GMPR: variants seen among roughly 807,000 people sequenced by gnomAD.
GMPR encodes the protein GMP reductase 1.
In GMPR, 31 loss-of-function variants were observed where a neutral mutation model predicts 38.4. The observed-to-expected ratio is 0.81, with a 90% CI of 0.61 to 1.09. GMPR has a LOEUF of 1.09. Among genes scored for constraint, GMPR ranks in the 50% least tolerant of loss-of-function variants. The probability of loss-of-function intolerance (pLI) is 0.00; values close to 1 mark genes in which losing one functional copy is unlikely to be tolerated. For missense variants in GMPR, 468 were observed against 453.7 expected (o/e 1.03, Z -0.29); for synonymous variants, 162 against 173.3 (o/e 0.93, Z 0.51).
At chr6:16,249,736 G>A (rs1758831754) in intron 2 of GMPR, among the ~76,000 whole-genome samples, 1 of 152,266 alleles carries the variant, frequency 6.6e-6, no homozygotes, top group South Asian at 2.1e-4. Context: ...TGCTGGGGCA[G>A]TAGTCATAGG....
intron 2 of GMPR, among the ~76,000 whole-genome samples, chr6:16,249,900 C>A (rs967599494): frequency 1.3e-5 from 2 of 152,152 alleles, no homozygotes; most frequent in African/African-American, 4.8e-5. Flanking sequence ...TTAGGATGGT[C>A]CTTCTGGGCA....
chr6:16,269,172 G>C (rs531177547), intron 4 of GMPR, among the ~76,000 whole-genome samples: 1 of 152,164 alleles, frequency 6.6e-6, no homozygotes, highest in Non-Finnish European at 1.5e-5. Context: ...ACCACCAAGA[G>C]CTGGGCCCTG....
chr6:16,263,379 G>C (rs13207339), intron 4 of GMPR: 1 of 151,940 alleles, frequency 6.6e-6, no homozygotes, highest in African/African-American at 2.4e-5. Flanking sequence ...AAGATGCTTA[G>C]ATTTTAGGTC....
At position 16,289,848 on chromosome 6, in the gene GMPR, A is replaced by ATTTTTTTTTTTTTTTT. The variant is rs546450494; in HGVS notation, c.698-592_698-577dup. On this transcript the variant is annotated intron_variant, in intron 7 of 8. Coordinates refer to ENST00000259727, the MANE Select transcript of GMPR (RefSeq NM_006877.4). ...AACTTGCTTTCTAAGATACTGCCCA[A>ATTTTTTTTTTTTTTTT]TTTTTTTTTTTTTTTTTTTTTTTTT... The ATTTTTTTTTTTTTTTT allele has an allele frequency of 7.1e-4, 45 of 63,184 alleles. 4 individuals are homozygous for ATTTTTTTTTTTTTTTT. The highest frequency in any genetic ancestry group is 1.6e-3 in the African/African-American group (22 of 14,176). 3.9% of individuals were successfully genotyped at this position (63,184 alleles called of 1,614,324 possible).
intron 3 of GMPR, among the ~76,000 whole-genome samples, chr6:16,251,602 GC>G (rs1264736404): frequency 6.6e-6 from 1 of 152,172 alleles, no homozygotes. Flanking sequence ...AAAGGCCAGA[GC>G]ATCTATGATC....
chr6:16,250,935 C>T (rs955390137), intron 3 of GMPR, among the ~76,000 whole-genome samples: 1 of 151,836 alleles, frequency 6.6e-6, no homozygotes, highest in Non-Finnish European at 1.5e-5. Flanking sequence ...AACCCTTATT[C>T]ACTGCTGGGA....
chr6:16,276,464 C>A (rs577202217), intron 5 of GMPR, among the ~76,000 whole-genome samples: 8 of 152,302 alleles, frequency 5.3e-5, no homozygotes, highest in African/African-American at 1.9e-4. Flanking sequence ...AGCCACCACA[C>A]CCGGCCCTCT....
Position 16,254,578 on chromosome 6 carries a change from C to T in GMPR, c.308C>T (p.Ser103Leu). ...PECLQNVAVSSGSGQNDLEKM... is the reference protein window; with the variant it reads ...PECLQNVAVSLGSGQNDLEKM... The stretch of plus-strand genomic sequence containing the variant: ...TTGGTGCAGAATGTAGCCGTGAGTT[C>T]AGGCAGTGGGCAGAATGATCTGGAA... Residue 103 changes from serine (S) to leucine (L), a missense_variant, in exon 4 of 9, where the codon TCA (serine) becomes TTA (leucine). Physicochemically the swap from Ser to Leu is moderately radical, Grantham distance 145 (BLOSUM62 -2). Transcript: ENST00000259727. 1 of 1,613,956 alleles carries T rather than the reference C, an allele frequency of 6.2e-7. No individual in the cohort carries two copies. Among genetic ancestry groups the T allele is most frequent in the Non-Finnish European group, 8.5e-7 (1 of 1,179,850 alleles).
At position 16,288,938 on chromosome 6, in the gene GMPR, A is replaced by G. The variant is rs189656917; in HGVS notation, c.698-1524A>G. Among the ~76,000 whole-genome samples the G allele has an allele frequency of 2.8e-3, 433 of 152,294 alleles. 1 individual carries two copies. Among genetic ancestry groups the G allele is most frequent in the African/African-American group, 9.7e-3 (401 of 41,552 alleles). On this transcript the variant is annotated intron_variant, in intron 7 of 8. Coordinates refer to ENST00000259727, the MANE Select transcript of GMPR (RefSeq NM_006877.4). ...TAGCTCAGGGATTGTAAACACACCA[A>G]TCAGCGCCCTGACAAAACAGACCAC...
At chr6:16,267,214 AAG>A (rs1491458724) in intron 4 of GMPR, among the ~76,000 whole-genome samples, 11 of 152,036 alleles carry the variant, frequency 7.2e-5, no homozygotes, top group African/African-American at 1.7e-4. Flanking sequence ...GTACAAAAAA[AAG>A]AAAAAATTAG....
chr6:16,266,724 T>A (rs1006307572), intron 4 of GMPR, among the ~76,000 whole-genome samples: 1 of 150,796 alleles, frequency 6.6e-6, no homozygotes, highest in Non-Finnish European at 1.5e-5. Flanking sequence ...GGCAGGAGAA[T>A]TGCATGAACC....
intron 3 of GMPR, among the ~76,000 whole-genome samples, chr6:16,252,585 G>T (rs775073991): frequency 6.6e-6 from 1 of 152,142 alleles, no homozygotes; most frequent in Non-Finnish European, 1.5e-5. Flanking sequence ...TTGTTAACTG[G>T]AACTGTGGCT....
At chr6:16,243,468 A>G (rs1758691554) in intron 1 of GMPR, among the ~76,000 whole-genome samples, 1 of 152,180 alleles carries the variant, frequency 6.6e-6, no homozygotes, top group Non-Finnish European at 1.5e-5. Context: ...AAACACTGCA[A>G]AAGGCTGGGG....
At chr6:16,288,311 TC>T (rs1484729098) in intron 7 of GMPR, among the ~76,000 whole-genome samples, 1 of 152,196 alleles carries the variant, frequency 6.6e-6, no homozygotes, top group Non-Finnish European at 1.5e-5. Flanking sequence ...CAGCTGGAGT[TC>T]CGGGTGGGTG....
At chr6:16,275,169 T>C (rs1450881663) in intron 5 of GMPR, among the ~76,000 whole-genome samples, 1 of 152,208 alleles carries the variant, frequency 6.6e-6, no homozygotes, top group African/African-American at 2.4e-5. Context: ...TGAGCTGCCA[T>C]GTTTTAAATT....
In GMPR at chr6:16,295,092, C is replaced by T. The variant is rs766789172; in HGVS notation, c.944C>T (p.Thr315Met). ...ILDILGGLRSTCTYVGAAKLK... is the reference protein window; with the variant it reads ...ILDILGGLRSMCTYVGAAKLK... ...GATATTCTCGGGGGACTGAGGTCCA[C>T]GTGCACCTACGTGGGGGCCGCCAAA... The change falls in exon 9 of 9, where the codon ACG (threonine) becomes ATG (methionine). Residue 315 changes from threonine (T) to methionine (M), a missense_variant. Coordinates refer to ENST00000259727, the MANE Select transcript of GMPR (RefSeq NM_006877.4). 19 of 1,587,710 alleles carry T rather than the reference C, an allele frequency of 1.2e-5. No individual in the cohort carries two copies. Among genetic ancestry groups the T allele is most frequent in the South Asian group, 3.4e-5 (3 of 88,410 alleles).
intron 1 of GMPR, among the ~76,000 whole-genome samples, chr6:16,241,816 G>A (rs181163159): frequency 6.6e-6 from 1 of 151,962 alleles, no homozygotes. Context: ...ATCTTGGCTC[G>A]CTGCAACCTC....
intron 1 of GMPR, among the ~76,000 whole-genome samples, chr6:16,241,901 G>A (rs1248045758): frequency 6.6e-6 from 1 of 151,842 alleles, no homozygotes; most frequent in Admixed American, 6.6e-5. Flanking sequence ...ACCACGCTCT[G>A]CTAATTTTTG....
At chr6:16,288,613 G>C (rs566377867) in intron 7 of GMPR, among the ~76,000 whole-genome samples, 94 of 152,322 alleles carry the variant, frequency 6.2e-4, no homozygotes, top group African/African-American at 2.2e-3. Flanking sequence ...CCCCAGTCCC[G>C]TCAACCATGC....
Sources: allele counts gnomAD v4.1 joint callset (sites outside exome capture counted in the v4.1 genomes callset), GRCh38; gene constraint gnomAD v4.1.1; transcripts MANE v1.5; gene names NCBI Gene and HGNC (gene_info 2026-07-23, HGNC 2026-07-21).